The following CDH12 variants were observed in gnomAD, a reference collection of about 807,000 sequenced individuals.
CDH12 encodes cadherin-12.
A neutral mutation model predicts 74.1 loss-of-function variants in CDH12; 41 were observed. That is an observed-to-expected ratio of 0.55 (90% CI 0.43 to 0.72). CDH12 has a LOEUF of 0.72. CDH12 is among the 30% of genes least tolerant of loss of function. CDH12 has a pLI of 0.00. For synonymous variants in CDH12, 399 were observed against 355.0 expected (o/e 1.12, Z -1.39); for missense variants, 945 against 977.2 (o/e 0.97, Z 0.44).
At chr5:21,981,082 G>A (rs1757284213) in intron 5 of CDH12, among the ~76,000 whole-genome samples, 1 of 151,874 alleles carries the variant, frequency 6.6e-6, no homozygotes, top group African/African-American at 2.4e-5. Context: ...ATATAAAATT[G>A]GCTAAATGAT....
chr5:22,002,534 T>C (rs1464659558), intron 5 of CDH12, among the ~76,000 whole-genome samples: 3 of 152,178 alleles, frequency 2.0e-5, no homozygotes, highest in Non-Finnish European at 2.9e-5. Flanking sequence ...TAAAATATAA[T>C]TAAAATTCAA....
intron 3 of CDH12, among the ~76,000 whole-genome samples, chr5:22,258,922 G>C (rs1753414205): frequency 6.6e-6 from 1 of 151,996 alleles, no homozygotes; most frequent in Admixed American, 6.6e-5. Context: ...AACGTCTCCT[G>C]GAATTAAGTG....
At chr5:22,253,904 A>T (rs1163391813) in intron 3 of CDH12, among the ~76,000 whole-genome samples, 1 of 151,976 alleles carries the variant, frequency 6.6e-6, no homozygotes. Context: ...AAGTTCATCG[A>T]ATGGAGCGAG....
intron 3 of CDH12, among the ~76,000 whole-genome samples, chr5:22,393,524 G>A (rs1420880092): frequency 3.3e-5 from 5 of 152,014 alleles, no homozygotes; most frequent in East Asian, 1.9e-4. Flanking sequence ...AACAAATACC[G>A]AAAAAATAGC....
rs962720815 is a variant in CDH12, at chr5:22,607,886, T to C, written c.-522-102522A>G. On this transcript the variant is annotated intron_variant, in intron 1 of 14. Transcript: ENST00000382254. ...CCTAAGGGTGCATAGAAGTCAAGAA[T>C]TGGGGTTTGAAAACCTTCACCTAGA... Among the ~76,000 whole-genome samples the C allele has an allele frequency of 5.3e-5, 8 of 152,302 alleles. 1 individual carries two copies. In the South Asian group the frequency reaches 6.2e-4, roughly 12 times the overall value.
At chr5:22,446,663 G>T (rs912046539) in intron 2 of CDH12, among the ~76,000 whole-genome samples, 3 of 151,950 alleles carry the variant, frequency 2.0e-5, no homozygotes, top group African/African-American at 7.2e-5. Context: ...AGCAAAAACA[G>T]AAAACAAATT....
intron 4 of CDH12, among the ~76,000 whole-genome samples, chr5:22,091,234 T>A (rs1383140121): frequency 2.7e-5 from 4 of 149,214 alleles, no homozygotes; most frequent in Non-Finnish European, 5.9e-5. Flanking sequence ...TTAGTAAATA[T>A]TTTAAAGTAT....
At chr5:22,270,360 C>G (rs1736338977) in intron 3 of CDH12, among the ~76,000 whole-genome samples, 1 of 152,058 alleles carries the variant, frequency 6.6e-6, no homozygotes, top group African/African-American at 2.4e-5. Context: ...CTTTGGGAGG[C>G]TGAGGTGGGC....
At chr5:22,551,332 A>G (rs1222478262) in intron 1 of CDH12, among the ~76,000 whole-genome samples, 1 of 152,194 alleles carries the variant, frequency 6.6e-6, no homozygotes, top group Non-Finnish European at 1.5e-5. Context: ...GAACTGAAAG[A>G]AAACAAATGT....
chr5:22,843,613 G>GGT (rs3050972), intron 1 of CDH12, among the ~76,000 whole-genome samples: 4,757 of 147,838 alleles, frequency 0.032, 95 homozygotes, highest in African/African-American at 0.055. Flanking sequence ...TAACATTTGT[G>GGT]GTGTGTGTGT....
At chr5:21,844,311 T>A (rs1214796960) in intron 7 of CDH12, among the ~76,000 whole-genome samples, 2 of 151,892 alleles carry the variant, frequency 1.3e-5, no homozygotes, top group Non-Finnish European at 2.9e-5. Flanking sequence ...ATTCTCATGT[T>A]AAATTTGGAG....
At chr5:21,958,100 C>A (rs892416601) in intron 6 of CDH12, among the ~76,000 whole-genome samples, 1 of 152,062 alleles carries the variant, frequency 6.6e-6, no homozygotes, top group Non-Finnish European at 1.5e-5. Context: ...TTATGAGGGG[C>A]TCTTCCCAGC....
intron 4 of CDH12, among the ~76,000 whole-genome samples, chr5:22,137,899 T>C (rs1340700302): frequency 6.6e-6 from 1 of 152,162 alleles, no homozygotes; most frequent in East Asian, 1.9e-4. Flanking sequence ...TGTACACTAC[T>C]GCTCATTTCA....
At chr5:21,982,567 T>C (rs1757351652) in intron 5 of CDH12, among the ~76,000 whole-genome samples, 1 of 151,548 alleles carries the variant, frequency 6.6e-6, no homozygotes, top group Non-Finnish European at 1.5e-5. Flanking sequence ...CCTCTATATA[T>C]GGATACATCT....
intron 4 of CDH12, chr5:22,142,929 G>A (rs945534101): frequency 4.3e-6 from 1 of 233,436 alleles, no homozygotes; most frequent in African/African-American, 2.3e-5. Flanking sequence ...GGACCTGTTG[G>A]TCTATGTCAT....
In CDH12 at chr5:22,091,951, C is replaced by CT. The variant is rs536976688; in HGVS notation, c.-186-13090dup. Among the ~76,000 whole-genome samples, 858 of 151,272 alleles carry CT rather than the reference C, an allele frequency of 5.7e-3. 8 individuals carry two copies. The highest frequency in any genetic ancestry group is 0.018 in the African/African-American group (724 of 41,304). On this transcript the variant is annotated intron_variant, in intron 4 of 14. Transcript: ENST00000382254. ...GGTGGCAGTGGAGGATTAAATTAGT[C>CT]TTTTTTTTATGTGGATATCCAATTG...
intron 4 of CDH12, among the ~76,000 whole-genome samples, chr5:22,157,800 TAA>T (rs1748115559): frequency 6.6e-6 from 1 of 152,066 alleles, no homozygotes; most frequent in Non-Finnish European, 1.5e-5. Context: ...TAATTATAAT[TAA>T]GTCTTTAATA....
chr5:22,293,976 C>T (rs1437513240), intron 3 of CDH12, among the ~76,000 whole-genome samples: 1 of 151,958 alleles, frequency 6.6e-6, no homozygotes, highest in Non-Finnish European at 1.5e-5. Context: ...GTAAAGTGTT[C>T]TCAGCACAAA....
intron 3 of CDH12, among the ~76,000 whole-genome samples, chr5:22,353,088 A>C (rs1561337098): frequency 6.6e-6 from 1 of 152,152 alleles, no homozygotes; most frequent in African/African-American, 2.4e-5. Flanking sequence ...GAAAACAAAC[A>C]AACAACAACA....
Sources: gnomAD v4.1 joint callset for allele counts (sites outside exome capture counted in the v4.1 genomes callset) on GRCh38, gnomAD v4.1.1 for gene constraint, MANE v1.5 for transcripts, NCBI Gene and HGNC (gene_info 2026-07-23, HGNC 2026-07-21) for gene names.